Variants in OTUD7A observed in about 807,000 individuals in gnomAD.
OTUD7A encodes the protein OTU deubiquitinase 7A.
Under a neutral mutation model 65.7 loss-of-function variants are expected in OTUD7A, and 12 were observed. The ratio of observed to expected loss-of-function variants is 0.18; its 90% CI spans 0.12 to 0.30. The LOEUF is 0.30. Ranked by LOEUF, OTUD7A falls within the 10% of genes least tolerant of loss-of-function variation. The probability of loss-of-function intolerance (pLI) is 1.00; values close to 1 mark genes in which losing one functional copy is unlikely to be tolerated. For missense variants in OTUD7A, 1,148 were observed against 1,304.8 expected (o/e 0.88, Z 1.85); for synonymous variants, 641 against 586.3 (o/e 1.09, Z -1.35).
At chr15:31,579,255 G>T (rs907299724) in intron 3 of OTUD7A, among the ~76,000 whole-genome samples, 2 of 152,196 alleles carry the variant, frequency 1.3e-5, no homozygotes, top group Non-Finnish European at 2.9e-5. Context: ...GCAGTATATT[G>T]TAACAAATAC....
chr15:31,502,335 G>C (rs1595560698), intron 9 of OTUD7A, among the ~76,000 whole-genome samples: 1 of 152,104 alleles, frequency 6.6e-6, no homozygotes, highest in East Asian at 1.9e-4. Context: ...TCAGTGACAG[G>C]GACACAATTT....
chr15:31,764,410 A>AT (rs1895048432), intron 1 of OTUD7A, among the ~76,000 whole-genome samples: 1 of 152,190 alleles, frequency 6.6e-6, no homozygotes, highest in Non-Finnish European at 1.5e-5. Flanking sequence ...GTCATTAAAC[A>AT]TTAAGATTTT....
chr15:31,805,092 G>A (rs541957551), intron 1 of OTUD7A, among the ~76,000 whole-genome samples: 1 of 152,282 alleles, frequency 6.6e-6, no homozygotes, highest in African/African-American at 2.4e-5. Flanking sequence ...TTTCTTGCCC[G>A]ATCTCCACAT....
chr15:31,814,612 C>T (rs1336604791), intron 1 of OTUD7A, among the ~76,000 whole-genome samples: 1 of 151,982 alleles, frequency 6.6e-6, no homozygotes, highest in African/African-American at 2.4e-5. Context: ...CAACCTCTGC[C>T]TCCTGGGTTC....
intron 8 of OTUD7A, among the ~76,000 whole-genome samples, chr15:31,517,050 A>G (rs7181743): frequency 0.096 from 14,675 of 152,216 alleles, 961 homozygotes; most frequent in African/African-American, 0.19. Context: ...AACTAGACAC[A>G]GGCCAGACAG....
intron 3 of OTUD7A, among the ~76,000 whole-genome samples, chr15:31,584,433 C>T (rs1253833140): frequency 6.6e-6 from 1 of 152,148 alleles, no homozygotes; most frequent in Non-Finnish European, 1.5e-5. Context: ...CATCAACTGA[C>T]CCGCCCTGGG....
In OTUD7A at chr15:31,559,139, G is replaced by A; in HGVS notation, c.380C>T (p.Ser127Phe). The change falls in exon 5 of 13, where the codon TCC (serine) becomes TTC (phenylalanine). Residue 127 changes from serine to phenylalanine, a missense_variant. Ser to Phe is a radical substitution (Grantham distance 155). Transcript: ENST00000307050. ...ACTTGCCACGTGGGACCGGGCCAGGGAGACGATGGCTGAGCTGGCGTGGGA... is the reference window on the plus strand; with the variant it reads ...ACTTGCCACGTGGGACCGGGCCAGGAAGACGATGGCTGAGCTGGCGTGGGA... The part of the protein sequence containing the change: ...GISHASSAIV[S>F]LARSHVASEC... 6.2e-7 allele frequency: 1 copy of A among 1,614,204 alleles called. No individual in the cohort carries two copies. The highest frequency in any genetic ancestry group is 8.5e-7 in the Non-Finnish European group (1 of 1,180,018).
chr15:31,544,545 A>G (rs1888076198), intron 5 of OTUD7A, among the ~76,000 whole-genome samples: 1 of 151,908 alleles, frequency 6.6e-6, no homozygotes, highest in East Asian at 1.9e-4. Flanking sequence ...CTGAGACTTC[A>G]CTGCCATCAG....
At chr15:31,665,088 G>A (rs1331200419) in intron 1 of OTUD7A, among the ~76,000 whole-genome samples, 1 of 152,162 alleles carries the variant, frequency 6.6e-6, no homozygotes, top group African/African-American at 2.4e-5. Flanking sequence ...AAAGCAGGTA[G>A]TGTGATGCCT....
At chr15:31,673,345 C>T (rs1056561516) in intron 1 of OTUD7A, among the ~76,000 whole-genome samples, 1 of 152,160 alleles carries the variant, frequency 6.6e-6, no homozygotes, top group African/African-American at 2.4e-5. Context: ...TGAAAGTGAA[C>T]TTTGTAAGGA....
chr15:31,589,111 C>T (rs1889638160), intron 3 of OTUD7A, among the ~76,000 whole-genome samples: 1 of 152,086 alleles, frequency 6.6e-6, no homozygotes, highest in Non-Finnish European at 1.5e-5. Flanking sequence ...CTACCTCAAA[C>T]ATTTGAAAAA....
chr15:31,772,234 A>T (rs895198432), intron 1 of OTUD7A, among the ~76,000 whole-genome samples: 1 of 146,900 alleles, frequency 6.8e-6, no homozygotes, highest in Non-Finnish European at 1.5e-5. Flanking sequence ...CCTGGGCGAC[A>T]GAGCGAGACT....
intron 1 of OTUD7A, among the ~76,000 whole-genome samples, chr15:31,663,841 A>C (rs1252792917): frequency 6.6e-6 from 1 of 151,720 alleles, no homozygotes; most frequent in Non-Finnish European, 1.5e-5. Flanking sequence ...CCTTCCCCCC[A>C]AGTCCCCAAA....
At chr15:31,845,677 C>T (rs1191546187) in intron 1 of OTUD7A, among the ~76,000 whole-genome samples, 1 of 152,206 alleles carries the variant, frequency 6.6e-6, no homozygotes, top group East Asian at 1.9e-4. Flanking sequence ...CATACTAGGC[C>T]CCTCCTAGCA....
At chr15:31,732,255 G>A (rs1390323809) in intron 1 of OTUD7A, among the ~76,000 whole-genome samples, 1 of 152,222 alleles carries the variant, frequency 6.6e-6, no homozygotes, top group Non-Finnish European at 1.5e-5. Context: ...ACTGTCATAA[G>A]AGAAGTTATT....
At chr15:31,628,058 T>C (rs1027679110) in intron 3 of OTUD7A, among the ~76,000 whole-genome samples, 15 of 152,190 alleles carry the variant, frequency 9.9e-5, no homozygotes, top group African/African-American at 2.2e-4. Flanking sequence ...TTCACTCTGA[T>C]GGTAGTTTCT....
chr15:31,851,902 A>C (rs950306824), intron 1 of OTUD7A, among the ~76,000 whole-genome samples: 6 of 152,188 alleles, frequency 3.9e-5, no homozygotes, highest in Admixed American at 3.9e-4. Flanking sequence ...TCTGTCGCCC[A>C]GACTGGAATG....
chr15:31,750,079 G>C (rs1303611516), intron 1 of OTUD7A, among the ~76,000 whole-genome samples: 1 of 152,162 alleles, frequency 6.6e-6, no homozygotes, highest in Non-Finnish European at 1.5e-5. Flanking sequence ...AAATGGAAAT[G>C]CATTCCATGC....
chr15:31,740,367 C>T (rs1438253030), intron 1 of OTUD7A, among the ~76,000 whole-genome samples: 1 of 151,196 alleles, frequency 6.6e-6, no homozygotes, highest in Non-Finnish European at 1.5e-5. Flanking sequence ...TGGAGCCCAG[C>T]TGCCTCATGC....
Sources: gnomAD v4.1 joint callset for allele counts (sites outside exome capture counted in the v4.1 genomes callset) on GRCh38, gnomAD v4.1.1 for gene constraint, MANE v1.5 for transcripts, NCBI Gene and HGNC (gene_info 2026-07-23, HGNC 2026-07-21) for gene names.